GREB1: variants seen among roughly 807,000 people sequenced by gnomAD.
The protein encoded by GREB1 is protein GREB1.
GREB1 carries 106 observed loss-of-function variants against 200.7 expected under a neutral mutation model. The observed-to-expected ratio is 0.53, with a 90% confidence interval of 0.45 to 0.62. The LOEUF (loss-of-function observed/expected upper bound fraction) is 0.62, where lower values mean the gene tolerates loss of function less well. Ranked by LOEUF, GREB1 falls within the 20% of genes least tolerant of loss-of-function variation. GREB1 has a pLI of 0.00. For synonymous variants in GREB1, 1,132 were observed against 1,092.4 expected (o/e 1.04, Z -0.72); for missense variants, 2,243 against 2,556.8 (o/e 0.88, Z 2.65).
intron 1 of GREB1, among the ~76,000 whole-genome samples, chr2:11,518,167 A>G (rs560979520): frequency 6.6e-6 from 1 of 152,212 alleles, no homozygotes; most frequent in African/African-American, 2.4e-5. Context: ...AATGGAGTGG[A>G]CAACCTGCTG....
At chr2:11,587,082 G>A (rs1037622348) in intron 9 of GREB1, among the ~76,000 whole-genome samples, 3 of 152,124 alleles carry the variant, frequency 2.0e-5, no homozygotes, top group African/African-American at 2.4e-5. Flanking sequence ...CGTCTCACAC[G>A]AGCAATCTCA....
In GREB1 at chr2:11,616,640, C is replaced by A; in HGVS notation, c.3332C>A (p.Ser1111Ter). 1 of 1,606,938 alleles carries A rather than the reference C, an allele frequency of 6.2e-7. No homozygotes were observed. Among genetic ancestry groups the A allele is most frequent in the Non-Finnish European group, 8.5e-7 (1 of 1,173,446 alleles). ...DEELGTEGST[S>*]EKRSPMKRER... ...GTGTGTTTTGGAACAGGCTCTACCT[C>A]GGAGAAGAGAAGCCCCATGAAAAGG... The change falls in exon 21 of 33, where the codon TCG becomes TAG. Residue 1111 changes from serine to a stop codon, truncating the protein, a stop_gained. Coordinates refer to ENST00000381486, the MANE Select transcript of GREB1 (RefSeq NM_014668.4). LOFTEE classifies it high-confidence loss of function.
At chr2:11,546,187 AAT>A (rs1675260319) in intron 1 of GREB1, among the ~76,000 whole-genome samples, 1 of 82,044 alleles carries the variant, frequency 1.2e-5, no homozygotes, top group Non-Finnish European at 3.0e-5. Context: ...AAAAAATAAA[AAT>A]AAAAAAAAAT....
At chr2:11,635,001 C>G (rs1231803429) in intron 29 of GREB1, among the ~76,000 whole-genome samples, 1 of 152,242 alleles carries the variant, frequency 6.6e-6, no homozygotes, top group Non-Finnish European at 1.5e-5. Context: ...CCCTTGGCCT[C>G]TGGTCACCAC....
chr2:11,531,217 G>T (rs1674061296), upstream of GREB1, among the ~76,000 whole-genome samples: 1 of 152,098 alleles, frequency 6.6e-6, no homozygotes, highest in African/African-American at 2.4e-5. Flanking sequence ...GAGTGTAGTT[G>T]CTTGACGCAT....
chr2:11,523,810 C>T (rs1474134457), intron 1 of GREB1, among the ~76,000 whole-genome samples: 1 of 152,184 alleles, frequency 6.6e-6, no homozygotes, highest in Non-Finnish European at 1.5e-5. Flanking sequence ...TTACTGTGTT[C>T]ACAGCCTGTG....
chr2:11,566,333 CTA>C, intron 3 of GREB1, 145 bp from the exon 4 acceptor site: 1 of 704,048 alleles, frequency 1.4e-6, no homozygotes, highest in Non-Finnish European at 2.2e-6. Context: ...GATTATAGTT[CTA>C]TCTCTCAGGA....
At chr2:11,593,681 C>G (rs554790690) in intron 11 of GREB1, among the ~76,000 whole-genome samples, 2 of 152,316 alleles carry the variant, frequency 1.3e-5, no homozygotes, top group East Asian at 1.9e-4. Flanking sequence ...GTCACCCAGG[C>G]TGGTCTCAAA....
chr2:11,602,537 A>G lies in GREB1; in HGVS notation c.2661A>G (p.Gly887=), dbSNP rs1681875343. 1.2e-6 allele frequency: 2 copies of G among 1,613,212 alleles called. No homozygotes were observed. Among genetic ancestry groups the G allele is most frequent in the African/African-American group, 2.7e-5 (2 of 74,922 alleles). The change falls in exon 17 of 33, where the codon GGA becomes GGG. Residue 887 remains glycine (G), a synonymous_variant. Coordinates refer to ENST00000381486, the MANE Select transcript of GREB1 (RefSeq NM_014668.4). ...SSFEAMVTAL[G]KRFPRLHSAV... ...TTGAGGCCATGGTCACTGCATTAGG[A>G]AAAAGGTACTTGTTTCTCTTCTAAG... is the stretch of plus-strand genomic sequence containing the variant.
chr2:11,496,281 C>T (rs796084250), intron 1 of GREB1, among the ~76,000 whole-genome samples: 18 of 152,268 alleles, frequency 1.2e-4, no homozygotes, highest in African/African-American at 4.3e-4. Flanking sequence ...ACAGGGTCTT[C>T]TTTCAATGAT....
At position 11,600,802 on chromosome 2, in the gene GREB1, G is replaced by A. The variant is rs1681716683; in HGVS notation, c.2336G>A (p.Ser779Asn). ...GATTGTGTCTTCTCCTCCCTCAGTAGCACTGTTCATAACCTCTATTCTCAA... is the reference window on the plus strand; with the variant it reads ...GATTGTGTCTTCTCCTCCCTCAGTAACACTGTTCATAACCTCTATTCTCAA... ...HDHAHWDLVS[S>N]TVHNLYSQSD... Residue 779 changes from serine (S) to asparagine (N), a missense_variant and splice_region_variant, in exon 16 of 33, where the codon AGC becomes AAC. By Grantham distance (46) the Ser-to-Asn change is conservative. Coordinates refer to ENST00000381486, the MANE Select transcript of GREB1 (RefSeq NM_014668.4). The A allele has an allele frequency of 6.2e-7, 1 of 1,612,456 alleles. No individual in the cohort carries two copies. Among genetic ancestry groups the A allele is most frequent in the Non-Finnish European group, 8.5e-7 (1 of 1,178,450 alleles).
intron 1 of GREB1, among the ~76,000 whole-genome samples, chr2:11,534,802 G>A (rs1253078311): frequency 6.6e-6 from 1 of 152,184 alleles, no homozygotes; most frequent in East Asian, 1.9e-4. Flanking sequence ...TCTCCTGGAT[G>A]TTGTTTTCAT....
At chr2:11,505,072 C>T (rs1673144696) in intron 1 of GREB1, among the ~76,000 whole-genome samples, 1 of 152,146 alleles carries the variant, frequency 6.6e-6, no homozygotes, top group Non-Finnish European at 1.5e-5. Flanking sequence ...GTTGGGACTA[C>T]AGGAGCATGC....
intron 1 of GREB1, among the ~76,000 whole-genome samples, chr2:11,507,233 AC>A (rs1007544419): frequency 2.3e-4 from 35 of 152,196 alleles, no homozygotes; most frequent in African/African-American, 7.2e-4. Context: ...ACGTGGCGAA[AC>A]CCCATCTCTA....
At chr2:11,517,004 A>G (rs1673529510) in intron 1 of GREB1, among the ~76,000 whole-genome samples, 1 of 152,182 alleles carries the variant, frequency 6.6e-6, no homozygotes, top group Non-Finnish European at 1.5e-5. Flanking sequence ...GCTCCTTAAT[A>G]TGGGACATGG....
rs201057748 is a variant in GREB1, at chr2:11,578,473, G to A, written c.772+42G>A. 2,520 of 1,601,704 alleles carry A rather than the reference G, an allele frequency of 1.6e-3. 6 individuals carry two copies. Among genetic ancestry groups the A allele is most frequent in the Non-Finnish European group, 1.8e-3 (2,116 of 1,171,428 alleles). On this transcript the variant is annotated intron_variant, in intron 6 of 32. Transcript: ENST00000381486. ...ACACCAGAGCTGCTAAACCCACAGA[G>A]CTGGCACTGTCTCCGATGTGTCCGG...
chr2:11,632,471 T>A (rs1368119146), intron 27 of GREB1, among the ~76,000 whole-genome samples: 1 of 151,712 alleles, frequency 6.6e-6, no homozygotes. Flanking sequence ...CCCGAGTAGC[T>A]GGAATTACAG....
At chr2:11,569,419 G>A (rs1465594944) in intron 4 of GREB1, among the ~76,000 whole-genome samples, 2 of 152,118 alleles carry the variant, frequency 1.3e-5, no homozygotes, top group African/African-American at 4.8e-5. Flanking sequence ...ATCCATGTGC[G>A]ACATGGTCCA....
chr2:11,541,102 G>A (rs1192533458), intron 1 of GREB1, among the ~76,000 whole-genome samples: 1 of 152,190 alleles, frequency 6.6e-6, no homozygotes, highest in Non-Finnish European at 1.5e-5. Flanking sequence ...ATTTGGGGTG[G>A]GGTCATGTCC....
Sources: allele counts gnomAD v4.1 joint callset (sites outside exome capture counted in the v4.1 genomes callset), GRCh38; gene constraint gnomAD v4.1.1; transcripts MANE v1.5; gene names NCBI Gene and HGNC (gene_info 2026-07-23, HGNC 2026-07-21).